DDC: variants seen among roughly 807,000 people sequenced by gnomAD.
DDC encodes aromatic-L-amino-acid decarboxylase.
In DDC, 43 loss-of-function variants were observed where a neutral mutation model predicts 60.0. The ratio of observed to expected loss-of-function variants is 0.72; its 90% CI spans 0.56 to 0.92. The LOEUF (loss-of-function observed/expected upper bound fraction) is 0.92, where lower values mean the gene tolerates loss of function less well. DDC is among the 40% of genes least tolerant of loss of function. The pLI, the probability that DDC is intolerant of heterozygous loss-of-function variation, is 0.00. For synonymous variants in DDC, 232 were observed against 234.6 expected, an observed-to-expected ratio of 0.99 and a Z score of 0.10; for missense variants, 573 against 620.2, an observed-to-expected ratio of 0.92 and a Z score of 0.81.
Position 50,543,899 on chromosome 7 carries a change from T to C in DDC, c.187A>G (p.Ile63Val), listed in dbSNP as rs769369623. Residue 63 changes from isoleucine to valine, a missense_variant, in exon 2 of 15, where the codon ATA becomes GTA. Ile to Val is a conservative substitution (Grantham distance 29). Transcript: ENST00000444124. ...TACACACTTACCCCAGGCATGATTA[T>C]CTTCTCAACGTCGTTGATGATGTCC... ...FEDIINDVEK[I>V]IMPGVTHWHS... 2.5e-6 allele frequency: 4 copies of C among 1,614,010 alleles called. No individual in the cohort carries two copies. Among genetic ancestry groups the C allele is most frequent in the South Asian group, 2.2e-5 (2 of 91,086 alleles).
At chr7:50,534,915 C>G (rs1585249197) in intron 4 of DDC, among the ~76,000 whole-genome samples, 1 of 152,202 alleles carries the variant, frequency 6.6e-6, no homozygotes, top group East Asian at 1.9e-4. Context: ...TGGCTGCGGA[C>G]AGTGTGCAGT....
At chr7:50,518,161 A>G (rs2167366) in intron 6 of DDC, among the ~76,000 whole-genome samples, 108,676 of 149,602 alleles carry the variant, frequency 0.73, 39,812 homozygotes, top group East Asian at 0.8. Flanking sequence ...GCAGTGAGCC[A>G]AGATCATGCC....
chr7:50,459,886 G>T (rs1172188095), intron 14 of DDC, among the ~76,000 whole-genome samples: 1 of 138,984 alleles, frequency 7.2e-6, no homozygotes, highest in African/African-American at 3.0e-5. Flanking sequence ...GAGGTGGGGG[G>T]GTCAGCCCCC....
intron 7 of DDC, among the ~76,000 whole-genome samples, chr7:50,502,007 G>A (rs1314509452): frequency 6.6e-6 from 1 of 152,140 alleles, no homozygotes; most frequent in African/African-American, 2.4e-5. Context: ...CCAGGAGGCA[G>A]ATGTTGCAGT....
At chr7:50,532,782 C>T (rs2044260953) in intron 4 of DDC, among the ~76,000 whole-genome samples, 1 of 152,162 alleles carries the variant, frequency 6.6e-6, no homozygotes, top group Non-Finnish European at 1.5e-5. Context: ...GAGGAATCAT[C>T]TGCTGAAAAA....
chr7:50,538,568 C>T (rs375940028), intron 3 of DDC, among the ~76,000 whole-genome samples: 33 of 152,358 alleles, frequency 2.2e-4, no homozygotes, highest in African/African-American at 7.7e-4. Context: ...GAGAAGAGTG[C>T]ATTCTCCCTT....
chr7:50,538,008 C>T lies in DDC; in HGVS notation c.316-29G>A, dbSNP rs768101870. 2.5e-5 allele frequency: 40 copies of T among 1,613,886 alleles called. 1 individual carries two copies. The highest frequency in any genetic ancestry group is 2.8e-5 in the Non-Finnish European group (33 of 1,180,016). On this transcript the variant is annotated intron_variant, in intron 3 of 14. Coordinates refer to ENST00000444124, the MANE Select transcript of DDC (RefSeq NM_001082971.2). ...TCGTGGGGGAAGGGAAGGGATTAAC[C>T]GAGGGCCAGGCATTGCAGAATTTGG...
At chr7:50,519,891 G>A (rs1181651653) in intron 6 of DDC, among the ~76,000 whole-genome samples, 1 of 151,984 alleles carries the variant, frequency 6.6e-6, no homozygotes, top group Admixed American at 6.6e-5. Flanking sequence ...ACTTATGGGG[G>A]AAAAAAAGTT....
At chr7:50,464,548 C>T (rs1029023226) in intron 13 of DDC, among the ~76,000 whole-genome samples, 4 of 152,200 alleles carry the variant, frequency 2.6e-5, no homozygotes, top group Admixed American at 6.5e-5. Flanking sequence ...TGAGAGCAAA[C>T]ATCTGCAAAG....
At position 50,529,299 on chromosome 7, in the gene DDC, C is replaced by T. The variant is rs1261689439; in HGVS notation, c.479G>A (p.Arg160Gln). The part of the protein sequence containing the change: ...EATLVALLAA[R>Q]TKVIHRLQAA... ...CTGCAGCCGATGGATCACTTTGGTC[C>T]GAGCGGCCAGCAGGGCCACCAGGGT... Residue 160 changes from arginine to glutamine, a missense_variant, in exon 5 of 15, where the codon CGG (arginine) becomes CAG (glutamine). Coordinates refer to ENST00000444124, the MANE Select transcript of DDC (RefSeq NM_001082971.2). 8 of 1,614,186 alleles carry T rather than the reference C, an allele frequency of 5.0e-6. No individual in the cohort carries two copies. In the East Asian group the frequency reaches 6.7e-5, roughly 13 times the overall value.
intron 9 of DDC, among the ~76,000 whole-genome samples, chr7:50,492,493 A>G (rs1348304723): frequency 2.0e-5 from 3 of 152,136 alleles, no homozygotes; most frequent in Non-Finnish European, 2.9e-5. Flanking sequence ...ATTTAAAAAC[A>G]TATTTTGTAG....
intron 7 of DDC, among the ~76,000 whole-genome samples, chr7:50,500,204 T>C (rs1161489506): frequency 6.6e-6 from 1 of 151,832 alleles, no homozygotes; most frequent in Non-Finnish European, 1.5e-5. Flanking sequence ...GGTCAGCATA[T>C]GCATTTGTAG....
intron 13 of DDC, among the ~76,000 whole-genome samples, chr7:50,465,316 A>G (rs2042369955): frequency 6.6e-6 from 1 of 152,214 alleles, no homozygotes; most frequent in African/African-American, 2.4e-5. Context: ...AAAATGTTCT[A>G]GAATTAGATT....
At chr7:50,485,944 A>G (rs1167184467) in intron 9 of DDC, among the ~76,000 whole-genome samples, 1 of 152,216 alleles carries the variant, frequency 6.6e-6, no homozygotes, top group Non-Finnish European at 1.5e-5. Context: ...TATGAACAGA[A>G]TAATGAATTC....
chr7:50,459,181 G>T (rs1212116758), intron 14 of DDC, among the ~76,000 whole-genome samples: 1 of 152,238 alleles, frequency 6.6e-6, no homozygotes, highest in African/African-American at 2.4e-5. Context: ...CTGGTCTCCA[G>T]CTCCAAACTG....
At chr7:50,480,336 T>C (rs1476552960) in intron 9 of DDC, among the ~76,000 whole-genome samples, 1 of 152,224 alleles carries the variant, frequency 6.6e-6, no homozygotes, top group Non-Finnish European at 1.5e-5. Context: ...AGAGAGGGCA[T>C]GGAAGCCACG....
At chr7:50,535,152 TTTTC>T (rs1249830804) in intron 4 of DDC, among the ~76,000 whole-genome samples, 2 of 152,076 alleles carry the variant, frequency 1.3e-5, no homozygotes, top group Non-Finnish European at 2.9e-5. Flanking sequence ...TGACGTTTTC[TTTTC>T]TTTCTTTTTT....
chr7:50,468,055 C>T (rs1184244387), intron 12 of DDC, among the ~76,000 whole-genome samples: 2 of 152,278 alleles, frequency 1.3e-5, no homozygotes, highest in East Asian at 3.8e-4. Flanking sequence ...TGGCGTAGGC[C>T]CGTGCCTTGC....
At chr7:50,546,707 ATTTCAAGGC>A (rs1179754405) in intron 1 of DDC, among the ~76,000 whole-genome samples, 2 of 152,182 alleles carry the variant, frequency 1.3e-5, no homozygotes, top group Non-Finnish European at 2.9e-5. Context: ...TTTTTATGTC[ATTTCAAGGC>A]TTATTAGATC....
Sources: gnomAD v4.1 joint callset for allele counts (sites outside exome capture counted in the v4.1 genomes callset) on GRCh38, gnomAD v4.1.1 for gene constraint, MANE v1.5 for transcripts, NCBI Gene and HGNC (gene_info 2026-07-23, HGNC 2026-07-21) for gene names.